The following RUNX2 variants were observed in gnomAD, a reference collection of about 807,000 sequenced individuals.
RUNX2 encodes RUNX family transcription factor 2.
A neutral mutation model predicts 51.7 loss-of-function variants in RUNX2; 10 were observed. The ratio of observed to expected loss-of-function variants is 0.19; its 90% CI spans 0.12 to 0.33. The LOEUF is 0.33. Ranked by LOEUF, RUNX2 falls within the 10% of genes least tolerant of loss-of-function variation. The pLI is 1.00. For synonymous variants in RUNX2, 276 were observed against 273.6 expected (o/e 1.01, Z -0.09); for missense variants, 562 against 691.3 (o/e 0.81, Z 2.10).
chr6:45,395,671 G>A (rs1478003039), intron 2 of RUNX2, among the ~76,000 whole-genome samples: 1 of 152,080 alleles, frequency 6.6e-6, no homozygotes. Flanking sequence ...TTTAACCCAA[G>A]ACTTTTTTGA....
rs376083944 is a variant in RUNX2 at position 45,547,020 on chromosome 6, C to T, written c.1281C>T (p.Pro427=). The change falls in exon 9 of 9, where the codon CCC becomes CCT. Residue 427 remains proline, a synonymous_variant. Transcript: ENST00000647337. The part of the protein sequence containing the change: ...HYHTYLPPPY[P]GSSQSQSGPF... Reference sequence around the variant, plus strand: ...ACACCTACCTGCCACCACCCTACCCCGGCTCTTCCCAAAGCCAGAGTGGAC... The same window carrying T: ...ACACCTACCTGCCACCACCCTACCCTGGCTCTTCCCAAAGCCAGAGTGGAC... The T allele has an allele frequency of 6.8e-6, 11 of 1,613,988 alleles. No homozygotes were observed. The highest frequency in any genetic ancestry group is 2.7e-5 in the African/African-American group (2 of 74,888).
In RUNX2 at chr6:45,422,630, C is replaced by G; in HGVS notation, c.96C>G (p.Ser32Arg). 6.2e-7 allele frequency: 1 copy of G among 1,606,982 alleles called. No individual in the cohort carries two copies. The highest frequency in any genetic ancestry group is 8.5e-7 in the Non-Finnish European group (1 of 1,177,536). Residue 32 changes from serine to arginine, a missense_variant, in exon 3 of 9, where the codon AGC (serine) becomes AGG (arginine). Ser to Arg is a moderately radical substitution (Grantham distance 110, BLOSUM62 -1). Transcript: ENST00000647337. ...GCCGGCGCTTCAGCCCCCCCTCCAGCAGCCTGCAGCCCGGCAAAATGAGCG... is the reference window on the plus strand; with the variant it reads ...GCCGGCGCTTCAGCCCCCCCTCCAGGAGCCTGCAGCCCGGCAAAATGAGCG... ...STSRRFSPPS[S>R]SLQPGKMSDV... is the part of the protein sequence containing the mutation.
chr6:45,409,802 C>A (rs1219241969), intron 2 of RUNX2, among the ~76,000 whole-genome samples: 1 of 152,184 alleles, frequency 6.6e-6, no homozygotes, highest in Non-Finnish European at 1.5e-5. Context: ...ACACTTATTT[C>A]ACTCTTGGCA....
At chr6:45,415,141 G>A (rs1001508630) in intron 2 of RUNX2, among the ~76,000 whole-genome samples, 2 of 152,064 alleles carry the variant, frequency 1.3e-5, no homozygotes, top group Non-Finnish European at 2.9e-5. Flanking sequence ...TCAGAAAATG[G>A]AAACCTTAGC....
chr6:45,477,407 C>T (rs1799986694), intron 5 of RUNX2, among the ~76,000 whole-genome samples: 1 of 152,198 alleles, frequency 6.6e-6, no homozygotes, highest in South Asian at 2.1e-4. Context: ...GTGTCTGCAC[C>T]TGAATATGTC....
At chr6:45,374,415 A>G (rs576456268) in intron 2 of RUNX2, among the ~76,000 whole-genome samples, 3 of 152,348 alleles carry the variant, frequency 2.0e-5, no homozygotes, top group African/African-American at 4.8e-5. Context: ...ATAAATGAGG[A>G]ACCCAGTATT....
At chr6:45,491,622 GTTTTT>G (rs34040641) in intron 5 of RUNX2, among the ~76,000 whole-genome samples, 11 of 93,494 alleles carry the variant, frequency 1.2e-4, no homozygotes, top group Non-Finnish European at 2.1e-4. Flanking sequence ...TCTCCTGTTT[GTTTTT>G]TTTTTTTTTT....
intron 2 of RUNX2, among the ~76,000 whole-genome samples, chr6:45,412,541 G>C (rs755545795): frequency 6.6e-6 from 1 of 152,104 alleles, no homozygotes; most frequent in African/African-American, 2.4e-5. Context: ...ACTGTAGAAA[G>C]AGGTTTCACT....
chr6:45,360,450 C>T (rs1349308876), intron 2 of RUNX2, among the ~76,000 whole-genome samples: 1 of 152,098 alleles, frequency 6.6e-6, no homozygotes, highest in Non-Finnish European at 1.5e-5. Flanking sequence ...TCCTGAAAAA[C>T]TTAAATGAAC....
chr6:45,367,030 G>C (rs1795247240), intron 2 of RUNX2, among the ~76,000 whole-genome samples: 1 of 152,176 alleles, frequency 6.6e-6, no homozygotes, highest in Non-Finnish European at 1.5e-5. Flanking sequence ...GGCTGAGATG[G>C]AAGGGCTGGG....
chr6:45,409,258 A>G (rs1359121818), intron 2 of RUNX2, among the ~76,000 whole-genome samples: 1 of 152,236 alleles, frequency 6.6e-6, no homozygotes, highest in Non-Finnish European at 1.5e-5. Flanking sequence ...CATGTAAACT[A>G]TATATCTTCT....
intron 7 of RUNX2, among the ~76,000 whole-genome samples, chr6:45,519,798 G>A (rs1267765571): frequency 0.12 from 12,547 of 107,954 alleles, 1,387 homozygotes; most frequent in African/African-American, 0.31. Flanking sequence ...ATATGTGTGT[G>A]TGTGTGTGTG....
At chr6:45,407,623 G>A (rs1360167088) in intron 2 of RUNX2, among the ~76,000 whole-genome samples, 1 of 152,054 alleles carries the variant, frequency 6.6e-6, no homozygotes, top group East Asian at 1.9e-4. Flanking sequence ...CTCCCCACTA[G>A]CTGGGACTAC....
chr6:45,395,741 C>G (rs980609764), intron 2 of RUNX2, among the ~76,000 whole-genome samples: 39 of 152,290 alleles, frequency 2.6e-4, no homozygotes, highest in African/African-American at 8.9e-4. Flanking sequence ...GATCTTGGCT[C>G]ACTGCAACCT....
chr6:45,332,788 A>G (rs1279824446), intron 2 of RUNX2, among the ~76,000 whole-genome samples: 1 of 151,814 alleles, frequency 6.6e-6, no homozygotes, highest in Non-Finnish European at 1.5e-5. Flanking sequence ...TAAAATTGTA[A>G]TTATGGCAAA....
At chr6:45,444,607 C>G (rs1798939645) in intron 5 of RUNX2, among the ~76,000 whole-genome samples, 1 of 152,210 alleles carries the variant, frequency 6.6e-6, no homozygotes, top group Admixed American at 6.5e-5. Context: ...GGCTTAGGTC[C>G]TGCAGCTAAA....
rs114192438 is a variant in RUNX2, at chr6:45,445,689, G to A, written c.685+7638G>A. Among the ~76,000 whole-genome samples the A allele has an allele frequency of 8.9e-3, 1,362 of 152,276 alleles. 20 individuals carry two copies. Among genetic ancestry groups the A allele is most frequent in the African/African-American group, 0.031 (1,273 of 41,550 alleles). ...ATTTACAAGTTGGCAAATACAAGCA[G>A]CAATTTGATTGTCATAGATATTAAT... On this transcript the variant is annotated intron_variant, in intron 5 of 8. Coordinates refer to ENST00000647337, the MANE Select transcript of RUNX2 (RefSeq NM_001024630.4).
intron 5 of RUNX2, among the ~76,000 whole-genome samples, chr6:45,483,804 G>C (rs1800184625): frequency 6.6e-6 from 1 of 152,206 alleles, no homozygotes; most frequent in Admixed American, 6.5e-5. Context: ...TGTTCCAAGT[G>C]GAGGGGACAG....
At chr6:45,539,734 A>T (rs1047625838) in intron 7 of RUNX2, among the ~76,000 whole-genome samples, 1 of 152,202 alleles carries the variant, frequency 6.6e-6, no homozygotes, top group Non-Finnish European at 1.5e-5. Flanking sequence ...CTTTGGTAGT[A>T]ATTCATCTGC....
Sources: gnomAD v4.1 joint callset for allele counts (sites outside exome capture counted in the v4.1 genomes callset) on GRCh38, gnomAD v4.1.1 for gene constraint, MANE v1.5 for transcripts, NCBI Gene and HGNC (gene_info 2026-07-23, HGNC 2026-07-21) for gene names.